Variants in ESYT2 observed in about 807,000 individuals in gnomAD.
The protein encoded by ESYT2 is extended synaptotagmin-2.
Under a neutral mutation model 107.2 loss-of-function variants are expected in ESYT2, and 54 were observed. The ratio of observed to expected loss-of-function variants is 0.50; its 90% CI spans 0.40 to 0.63. The LOEUF is 0.63. ESYT2 is among the 30% of genes least tolerant of loss of function. ESYT2 has a pLI of 0.00. For missense variants in ESYT2, 1,020 were observed against 1,094.5 expected (o/e 0.93, Z 0.96); for synonymous variants, 491 against 434.1 (o/e 1.13, Z -1.63).
At position 158,804,296 on chromosome 7, in the gene ESYT2, CCG is replaced by C. The variant is rs1337140568; in HGVS notation, c.331-5226_331-5225del. 1.6e-4 allele frequency among the ~76,000 whole-genome samples: 16 copies of C among 99,814 alleles called. 2 individuals carry two copies. The highest frequency in any genetic ancestry group is 8.3e-4 in the South Asian group (2 of 2,420). 65.5% of individuals were successfully genotyped at this position (99,814 alleles called of 152,430 possible). A position where few individuals can be genotyped will look rare whatever the true frequency, so the allele number is the denominator to read the frequency against. ...GGGTGAGGCGCGCGACAAACCCAAACCGTCGAGAAGGGTGAGGCGCGCGACAA... is the reference window on the plus strand; with the variant it reads ...GGGTGAGGCGCGCGACAAACCCAAACTCGAGAAGGGTGAGGCGCGCGACAA... On this transcript the variant is annotated intron_variant, in intron 1 of 22. Coordinates refer to ENST00000275418, the MANE Select transcript of ESYT2 (RefSeq NM_001367773.1).
At chr7:158,740,270 C>CTT (rs1837144516) in intron 18 of ESYT2, among the ~76,000 whole-genome samples, 1 of 152,224 alleles carries the variant, frequency 6.6e-6, no homozygotes, top group Non-Finnish European at 1.5e-5. Flanking sequence ...CCTGCCCTAC[C>CTT]CTTCCTCCTC....
chr7:158,775,984 G>A (rs1205731465), intron 6 of ESYT2, among the ~76,000 whole-genome samples: 5 of 152,162 alleles, frequency 3.3e-5, no homozygotes, highest in African/African-American at 1.2e-4. Flanking sequence ...GTGTCAGCAG[G>A]CAAGAAAACA....
At chr7:158,760,528 T>A (rs1837923127) in intron 11 of ESYT2, among the ~76,000 whole-genome samples, 1 of 152,196 alleles carries the variant, frequency 6.6e-6, no homozygotes, top group Admixed American at 6.5e-5. Flanking sequence ...GAGATAGGGG[T>A]CTTGCTGTGT....
In ESYT2 at chr7:158,798,051, A is replaced by C; in HGVS notation, c.398T>G (p.Ile133Ser). The change falls in exon 3 of 23, where the codon ATT (isoleucine) becomes AGT (serine). Residue 133 changes from isoleucine to serine, a missense_variant. Physicochemically the swap from Ile to Ser is moderately radical, Grantham distance 142 (BLOSUM62 -2). Transcript: ENST00000275418. ...AAACAACTTCTCTATAAATTGGCAA[A>C]TGAAAGGCCACATGTGTTTTACAGT... ...NKTVKHMWPF[I>S]CQFIEKLFRE... The C allele has an allele frequency of 6.2e-7, 1 of 1,614,182 alleles. No homozygotes were observed. The highest frequency in any genetic ancestry group is 1.6e-4 in the Middle Eastern group (1 of 6,062).
intron 15 of ESYT2, among the ~76,000 whole-genome samples, chr7:158,748,756 T>A (rs1837488552): frequency 6.6e-6 from 1 of 151,888 alleles, no homozygotes; most frequent in South Asian, 2.1e-4. Flanking sequence ...AGTCTTGCTC[T>A]GTCGCCAGGC....
chr7:158,797,864 A>AAAG, intron 3 of ESYT2, 78 bp downstream of exon 3: 2 of 1,557,986 alleles, frequency 1.3e-6, no homozygotes, highest in Non-Finnish European at 1.7e-6. Context: ...AAGAAAAAAA[A>AAAG]AAAAAGAAAA....
chr7:158,798,338 GGTTTCAA>G (rs1839532683), intron 2 of ESYT2, among the ~76,000 whole-genome samples: 1 of 152,046 alleles, frequency 6.6e-6, no homozygotes, highest in African/African-American at 2.4e-5. Flanking sequence ...GAAGTCCTGT[GGTTTCAA>G]CTTGGTGCTG....
chr7:158,776,590 G>C (rs1209090105), intron 6 of ESYT2, among the ~76,000 whole-genome samples: 3 of 152,198 alleles, frequency 2.0e-5, no homozygotes, highest in Non-Finnish European at 4.4e-5. Flanking sequence ...AGTGAAGATA[G>C]TTAGGACTTT....
chr7:158,824,795 CAAAT>C (rs1339661796), intron 1 of ESYT2, among the ~76,000 whole-genome samples: 2 of 152,158 alleles, frequency 1.3e-5, no homozygotes, highest in Non-Finnish European at 2.9e-5. Flanking sequence ...ATAATATTTT[CAAAT>C]AAATAAAAAT....
intron 1 of ESYT2, among the ~76,000 whole-genome samples, chr7:158,806,085 C>CGCCGGGGCACACCGCGTGGGAGGT: frequency 6.6e-6 from 1 of 152,092 alleles, no homozygotes; most frequent in Non-Finnish European, 1.5e-5. Context: ...GCGTGGGAGG[C>CGCCGGGGCACACCGCGTGGGAGGT]GCCGGGGCAC....
At chr7:158,789,959 G>A (rs1355206132) in intron 4 of ESYT2, among the ~76,000 whole-genome samples, 3 of 152,128 alleles carry the variant, frequency 2.0e-5, no homozygotes, top group East Asian at 1.9e-4. Context: ...AAACTCGCTC[G>A]GTGCTGGGGA....
chr7:158,814,287 T>TTTTATATA (rs1219869401), intron 1 of ESYT2, among the ~76,000 whole-genome samples: 1 of 66,934 alleles, frequency 1.5e-5, no homozygotes, highest in African/African-American at 7.1e-5. Context: ...AAAAAAAAAA[T>TTTTATATA]TATATATATA....
intron 7 of ESYT2, 127 bp from the exon 8 acceptor site, chr7:158,767,901 A>C (rs2129472347): frequency 2.5e-4 from 271 of 1,079,428 alleles, no homozygotes; most frequent in Non-Finnish European, 3.2e-4. Flanking sequence ...GAGTTATCTC[A>C]TTCCTCCAGT....
intron 13 of ESYT2, among the ~76,000 whole-genome samples, chr7:158,756,533 C>T (rs1358530326): frequency 6.6e-6 from 1 of 152,114 alleles, no homozygotes; most frequent in Non-Finnish European, 1.5e-5. Context: ...TTCACGTGAC[C>T]ATCCCCCAAA....
chr7:158,773,320 G>A (rs776201743), intron 7 of ESYT2, 21 bp downstream of exon 7: 13 of 1,613,730 alleles, frequency 8.1e-6, no homozygotes, highest in Admixed American at 5.0e-5. Flanking sequence ...CTAAGCCTCC[G>A]GGACCAGACA....
chr7:158,755,868 G>T lies in ESYT2; in HGVS notation c.1420-3025C>A, dbSNP rs530172608. Among the ~76,000 whole-genome samples, 98 of 152,184 alleles carry T rather than the reference G, an allele frequency of 6.4e-4. 1 individual carries two copies. The highest frequency in any genetic ancestry group is 1.1e-3 in the Admixed American group (17 of 15,290). ...AACATCACATACTAGGGGCCGTCAG[G>T]GGGTAGGGGGAGAGGGGAGCGATAG... On this transcript the variant is annotated intron_variant, in intron 13 of 22. Coordinates refer to ENST00000275418, the MANE Select transcript of ESYT2 (RefSeq NM_001367773.1).
chr7:158,798,053 G>A lies in ESYT2; in HGVS notation c.396C>T (p.Phe132=). Residue 132 remains phenylalanine, a synonymous_variant, in exon 3 of 23, where the codon TTC becomes TTT. Transcript: ENST00000275418. ...LNKTVKHMWP[F]ICQFIEKLFR... is the part of the protein sequence containing the mutation. Reference sequence around the variant, plus strand: ...ACAACTTCTCTATAAATTGGCAAATGAAAGGCCACATGTGTTTTACAGTCT... The same window carrying A: ...ACAACTTCTCTATAAATTGGCAAATAAAAGGCCACATGTGTTTTACAGTCT... The A allele has an allele frequency of 6.2e-7, 1 of 1,614,124 alleles. No individual in the cohort carries two copies. Among genetic ancestry groups the A allele is most frequent in the Non-Finnish European group, 8.5e-7 (1 of 1,180,016 alleles).
At chr7:158,794,569 A>T (rs11970932) in intron 3 of ESYT2, among the ~76,000 whole-genome samples, 38,979 of 151,882 alleles carry the variant, frequency 0.26, 6,182 homozygotes, top group East Asian at 0.55. Flanking sequence ...GGCGGAAGAA[A>T]CACTTGAGCC....
At chr7:158,815,232 T>A (rs560347177) in intron 1 of ESYT2, among the ~76,000 whole-genome samples, 7 of 152,318 alleles carry the variant, frequency 4.6e-5, no homozygotes, top group African/African-American at 1.7e-4. Flanking sequence ...CGCTTGCCTG[T>A]CTCCTGTCTC....
Sources: gnomAD v4.1 joint callset for allele counts (sites outside exome capture counted in the v4.1 genomes callset) on GRCh38, gnomAD v4.1.1 for gene constraint, MANE v1.5 for transcripts, NCBI Gene and HGNC (gene_info 2026-07-23, HGNC 2026-07-21) for gene names.